The following OSBPL1A variants were observed in gnomAD, a reference collection of about 807,000 sequenced individuals.
The protein encoded by OSBPL1A is oxysterol binding protein like 1A.
Under a neutral mutation model 137.1 loss-of-function variants are expected in OSBPL1A, and 80 were observed. The ratio of observed to expected loss-of-function variants is 0.58; its 90% confidence interval spans 0.49 to 0.70. OSBPL1A has a LOEUF of 0.70. Ranked by LOEUF, OSBPL1A falls within the 30% of genes least tolerant of loss-of-function variation. The pLI is 0.00. For missense variants in OSBPL1A, 970 were observed against 1,129.4 expected, an observed-to-expected ratio of 0.86 and a Z score of 2.02; for synonymous variants, 365 against 389.7, an observed-to-expected ratio of 0.94 and a Z score of 0.75.
chr18:24,322,155 G>C (rs897456385), intron 7 of OSBPL1A, among the ~76,000 whole-genome samples: 1 of 147,794 alleles, frequency 6.8e-6, no homozygotes. Context: ...TGTTGCCCAG[G>C]CTGGAGTGCA....
chr18:24,171,519 T>G (rs183642579), intron 22 of OSBPL1A, 21 bp from the exon 23 acceptor site: 128 of 1,554,502 alleles, frequency 8.2e-5, no homozygotes, highest in Non-Finnish European at 1.0e-4. Flanking sequence ...AATACTAAGT[T>G]CAGATTATCA....
chr18:24,298,583 G>A (rs1349358203), intron 14 of OSBPL1A, among the ~76,000 whole-genome samples: 1 of 152,204 alleles, frequency 6.6e-6, no homozygotes, highest in Non-Finnish European at 1.5e-5. Flanking sequence ...CGGACCTCGT[G>A]TTCCACCCAC....
chr18:24,336,554 T>C (rs1474077770), intron 5 of OSBPL1A, among the ~76,000 whole-genome samples: 1 of 152,250 alleles, frequency 6.6e-6, no homozygotes, highest in Non-Finnish European at 1.5e-5. Context: ...ACATTCATGA[T>C]GTGAACTTTT....
At position 24,163,086 on chromosome 18, in the gene OSBPL1A, T is replaced by TTA; in HGVS notation, c.*92_*93insTA. On this transcript the variant is annotated 3_prime_UTR_variant, in exon 28 of 28. Transcript: ENST00000319481. The stretch of plus-strand genomic sequence containing the variant: ...ATGAGTGTTTTTTCATTTTTTTTTT[T>TTA]AAAAGATAAGTAGAAACCAAGGGAA... 1.3e-6 allele frequency: 1 copy of TTA among 777,372 alleles called. No individual in the cohort carries two copies. The highest frequency in any genetic ancestry group is 2.2e-5 in the South Asian group (1 of 45,562). The allele number at this position is 777,372 out of a possible 1,614,324, so 48.2% of individuals were successfully genotyped here.
At chr18:24,250,178 G>GTTTTTTTT (rs1408310982) in intron 15 of OSBPL1A, among the ~76,000 whole-genome samples, 62 of 79,558 alleles carry the variant, frequency 7.8e-4, no homozygotes, top group South Asian at 1.8e-3. Flanking sequence ...TTGTTTGTTT[G>GTTTTTTTT]TTTGTTTGTT....
intron 15 of OSBPL1A, among the ~76,000 whole-genome samples, chr18:24,258,179 G>C (rs574456877): frequency 8.5e-5 from 13 of 152,284 alleles, no homozygotes; most frequent in African/African-American, 3.1e-4. Flanking sequence ...CATGTTTGCT[G>C]TGGCACTGTT....
chr18:24,201,552 C>T (rs1050629018), intron 17 of OSBPL1A, among the ~76,000 whole-genome samples: 1 of 152,174 alleles, frequency 6.6e-6, no homozygotes, highest in African/African-American at 2.4e-5. Context: ...CACTTGAGGT[C>T]AGGAGTTTGA....
intron 17 of OSBPL1A, among the ~76,000 whole-genome samples, chr18:24,207,338 C>T (rs1312831716): frequency 2.6e-5 from 4 of 152,222 alleles, no homozygotes; most frequent in African/African-American, 9.7e-5. Flanking sequence ...CCTGCCTTGG[C>T]CTCCCAAAGT....
chr18:24,342,995 G>T lies in OSBPL1A; in HGVS notation c.283-1337C>A, dbSNP rs1270690176. ...TATCATCTTAAAGGTAACATTTTGG[G>T]GCTCATGTTTTCATGCTTTACCTAA... On this transcript the variant is annotated intron_variant, in intron 4 of 27. Coordinates refer to ENST00000319481, the MANE Select transcript of OSBPL1A (RefSeq NM_080597.4). Among the ~76,000 whole-genome samples the T allele has an allele frequency of 4.0e-5, 6 of 151,286 alleles. No individual in the cohort carries two copies. The South Asian group carries it at 1.3e-3, about 32-fold the overall frequency.
At chr18:24,377,650 CACA>C (rs1906289573) in intron 1 of OSBPL1A, 115 bp from the exon 2 acceptor site, 3 of 1,056,148 alleles carry the variant, frequency 2.8e-6, no homozygotes, top group Non-Finnish European at 4.0e-6. Flanking sequence ...ATAAGACAGA[CACA>C]ACAACTGAAT....
chr18:24,376,990 G>C (rs763336909), intron 2 of OSBPL1A, among the ~76,000 whole-genome samples: 1 of 152,216 alleles, frequency 6.6e-6, no homozygotes, highest in Non-Finnish European at 1.5e-5. Context: ...CCTGCAAGCC[G>C]AGGGAGCCGG....
chr18:24,163,883 C>G (rs1451514164), intron 27 of OSBPL1A, among the ~76,000 whole-genome samples: 3 of 152,072 alleles, frequency 2.0e-5, no homozygotes, highest in African/African-American at 7.2e-5. Context: ...CAGGCATGCA[C>G]CACCACACCC....
intron 7 of OSBPL1A, among the ~76,000 whole-genome samples, chr18:24,324,380 C>T (rs1294338007): frequency 1.8e-5 from 1 of 56,174 alleles, no homozygotes; most frequent in Admixed American, 1.5e-4. Flanking sequence ...AGAGGGCCCT[C>T]ACAGGCAGAA....
chr18:24,337,948 T>C (rs1313137983), intron 5 of OSBPL1A, among the ~76,000 whole-genome samples: 1 of 151,978 alleles, frequency 6.6e-6, no homozygotes, highest in Non-Finnish European at 1.5e-5. Context: ...ATAAATAACA[T>C]AAAATATGTA....
chr18:24,341,307 T>A (rs1469987509), intron 5 of OSBPL1A, among the ~76,000 whole-genome samples: 1 of 152,180 alleles, frequency 6.6e-6, no homozygotes, highest in African/African-American at 2.4e-5. Context: ...GCACCCAGCC[T>A]GAAAAACAGA....
chr18:24,370,800 C>T (rs368529538), intron 2 of OSBPL1A, among the ~76,000 whole-genome samples: 183 of 152,116 alleles, frequency 1.2e-3, no homozygotes, highest in African/African-American at 4.2e-3. Context: ...CCCGAGTAGC[C>T]GGGACCACAG....
chr18:24,199,165 C>T (rs1470527497), intron 17 of OSBPL1A, among the ~76,000 whole-genome samples: 5 of 151,848 alleles, frequency 3.3e-5, no homozygotes, highest in Admixed American at 2.0e-4. Context: ...GGCCCAGGTG[C>T]CACTTTTAAA....
chr18:24,200,676 T>C (rs895263090), intron 17 of OSBPL1A, among the ~76,000 whole-genome samples: 1 of 152,134 alleles, frequency 6.6e-6, no homozygotes, highest in Non-Finnish European at 1.5e-5. Context: ...AATGGATCTC[T>C]GTGATTACTT....
chr18:24,189,930 G>A (rs1049208705), intron 18 of OSBPL1A, among the ~76,000 whole-genome samples: 3 of 152,246 alleles, frequency 2.0e-5, no homozygotes, highest in Admixed American at 6.5e-5. Flanking sequence ...GGGAAAAGGC[G>A]GTGTGTTCAT....
Sources: allele counts gnomAD v4.1 joint callset (sites outside exome capture counted in the v4.1 genomes callset), GRCh38; gene constraint gnomAD v4.1.1; transcripts MANE v1.5; gene names NCBI Gene and HGNC (gene_info 2026-07-23, HGNC 2026-07-21).